DNAJC1: variants seen among roughly 807,000 people sequenced by gnomAD.
The protein encoded by DNAJC1 is dnaJ homolog subfamily C member 1.
DNAJC1 carries 58 observed loss-of-function variants against 76.6 expected under a neutral mutation model. The observed-to-expected ratio is 0.76, with a 90% CI of 0.61 to 0.94. The LOEUF is 0.94. DNAJC1 is among the 40% of genes least tolerant of loss of function. The pLI, the probability that DNAJC1 is intolerant of heterozygous loss-of-function variation, is 0.00. For synonymous variants in DNAJC1, 258 were observed against 267.9 expected (o/e 0.96, Z 0.36); for missense variants, 689 against 677.3 (o/e 1.02, Z -0.19).
chr10:21,966,271 C>A (rs1423129368), intron 1 of DNAJC1, among the ~76,000 whole-genome samples: 1 of 152,032 alleles, frequency 6.6e-6, no homozygotes, highest in Non-Finnish European at 1.5e-5. Flanking sequence ...TGGTATTTGC[C>A]AAGTTTCTTC....
At chr10:21,945,016 T>C (rs1356100673) in intron 1 of DNAJC1, among the ~76,000 whole-genome samples, 1 of 152,216 alleles carries the variant, frequency 6.6e-6, no homozygotes, top group East Asian at 1.9e-4. Context: ...TCTGGATACA[T>C]AGGTCTGAAA....
intron 9 of DNAJC1, among the ~76,000 whole-genome samples, chr10:21,770,995 G>GT (rs1834369733): frequency 6.6e-6 from 1 of 152,120 alleles, no homozygotes. Flanking sequence ...ATGTTATATA[G>GT]TTTTCAAAGT....
At chr10:21,928,573 T>TA in intron 2 of DNAJC1, 21 bp from the exon 3 acceptor site, 1 of 1,596,630 alleles carries the variant, frequency 6.3e-7, no homozygotes, top group South Asian at 1.1e-5. Context: ...AGCATTACTT[T>TA]AAAATAAAAA....
At chr10:21,894,565 C>CT (rs1836510153) in intron 7 of DNAJC1, among the ~76,000 whole-genome samples, 1 of 152,166 alleles carries the variant, frequency 6.6e-6, no homozygotes, top group Admixed American at 6.6e-5. Context: ...GAGCAAAACT[C>CT]TGTTTTTCAA....
chr10:21,832,884 T>A (rs1389895512), intron 8 of DNAJC1, among the ~76,000 whole-genome samples: 2 of 152,224 alleles, frequency 1.3e-5, no homozygotes, highest in South Asian at 4.1e-4. Flanking sequence ...ATTTTCTCTT[T>A]ATCATTTCAA....
chr10:21,776,670 G>C (rs1218677930), intron 9 of DNAJC1, among the ~76,000 whole-genome samples: 1 of 152,032 alleles, frequency 6.6e-6, no homozygotes, highest in East Asian at 1.9e-4. Context: ...GCTCATTCTT[G>C]TTATTTCTCT....
chr10:21,947,451 G>T (rs1423769717), intron 1 of DNAJC1, among the ~76,000 whole-genome samples: 5 of 152,126 alleles, frequency 3.3e-5, no homozygotes, highest in Non-Finnish European at 7.4e-5. Context: ...ATAAGAAGAT[G>T]CAAAGATGAA....
At chr10:21,954,662 T>C (rs1837651246) in intron 1 of DNAJC1, among the ~76,000 whole-genome samples, 1 of 152,214 alleles carries the variant, frequency 6.6e-6, no homozygotes, top group Admixed American at 6.5e-5. Context: ...TTTGATGTTA[T>C]ATAATTGGTT....
chr10:21,762,982 G>T (rs1275653170), intron 10 of DNAJC1, among the ~76,000 whole-genome samples: 1 of 152,188 alleles, frequency 6.6e-6, no homozygotes, highest in Non-Finnish European at 1.5e-5. Flanking sequence ...CAGGCTGGAA[G>T]TTCAGTGGCA....
chr10:21,953,016 T>C (rs1837623347), intron 1 of DNAJC1, among the ~76,000 whole-genome samples: 1 of 152,194 alleles, frequency 6.6e-6, no homozygotes, highest in Non-Finnish European at 1.5e-5. Flanking sequence ...TAACATCATA[T>C]TTCTACTAAT....
intron 8 of DNAJC1, among the ~76,000 whole-genome samples, chr10:21,860,471 T>C (rs960837445): frequency 2.6e-5 from 4 of 151,938 alleles, no homozygotes; most frequent in African/African-American, 4.8e-5. Flanking sequence ...AGCAGGCAGA[T>C]CGTGAGGTCA....
At chr10:21,913,924 T>C (rs1430545852) in intron 6 of DNAJC1, among the ~76,000 whole-genome samples, 1 of 152,224 alleles carries the variant, frequency 6.6e-6, no homozygotes, top group Non-Finnish European at 1.5e-5. Context: ...TTGTTAGCTA[T>C]CTCAACACAC....
rs1052679874 is a variant in DNAJC1 at position 21,973,278 on chromosome 10, T to C, written c.222+29935A>G. On this transcript the variant is annotated intron_variant, in intron 1 of 11. Transcript: ENST00000376980. ...TGAAGGCAAATGTAGCACCAATGAATGAAACTGACAGTTATTAGGTTAAGT... is the reference window on the plus strand; with the variant it reads ...TGAAGGCAAATGTAGCACCAATGAACGAAACTGACAGTTATTAGGTTAAGT... Among the ~76,000 whole-genome samples, 5 of 152,262 alleles carry C rather than the reference T, an allele frequency of 3.3e-5. No homozygotes were observed. The South Asian group carries it at 1.0e-3, about 32-fold the overall frequency.
intron 1 of DNAJC1, among the ~76,000 whole-genome samples, chr10:21,929,449 A>G (rs1396288372): frequency 6.6e-6 from 1 of 152,238 alleles, no homozygotes; most frequent in African/African-American, 2.4e-5. Flanking sequence ...TTTTTCAGTA[A>G]TTAAGAGATC....
intron 5 of DNAJC1, 46 bp from the exon 6 acceptor site, chr10:21,918,918 A>C (rs372656858): frequency 2.0e-5 from 28 of 1,378,936 alleles, no homozygotes; most frequent in Non-Finnish European, 4.1e-6. Flanking sequence ...TATGAGGAAT[A>C]TACAGAGAAA....
intron 9 of DNAJC1, among the ~76,000 whole-genome samples, chr10:21,771,937 TTTTG>T (rs368549768): frequency 1.2e-4 from 19 of 152,278 alleles, no homozygotes; most frequent in East Asian, 3.9e-4. Context: ...AATAAATGTT[TTTTG>T]TTTGTTTGTT....
At chr10:21,864,653 A>C (rs967862528) in intron 8 of DNAJC1, among the ~76,000 whole-genome samples, 6 of 152,022 alleles carry the variant, frequency 3.9e-5, no homozygotes, top group African/African-American at 1.5e-4. Flanking sequence ...AAAAACTTCT[A>C]GAAAGAAACA....
At chr10:21,867,355 T>C (rs1458875296) in intron 8 of DNAJC1, among the ~76,000 whole-genome samples, 2 of 152,080 alleles carry the variant, frequency 1.3e-5, no homozygotes, top group Admixed American at 1.3e-4. Context: ...TCTAATATGG[T>C]AGCTGTCAGT....
chr10:21,971,115 A>G (rs1281386312), intron 1 of DNAJC1, among the ~76,000 whole-genome samples: 3 of 151,802 alleles, frequency 2.0e-5, no homozygotes, highest in Admixed American at 2.0e-4. Context: ...GTTTTTCCTG[A>G]TATGACACTG....
Sources: gnomAD v4.1 joint callset for allele counts (sites outside exome capture counted in the v4.1 genomes callset) on GRCh38, gnomAD v4.1.1 for gene constraint, MANE v1.5 for transcripts, NCBI Gene and HGNC (gene_info 2026-07-23, HGNC 2026-07-21) for gene names.